Variants in MACF1 observed in about 807,000 individuals in gnomAD.
MACF1 encodes microtubule-actin cross-linking factor 1.
MACF1 carries 193 observed loss-of-function variants against 854.8 expected under a neutral mutation model. The ratio of observed to expected loss-of-function variants is 0.23; its 90% CI spans 0.20 to 0.25. MACF1 has a LOEUF of 0.25. MACF1 is among the 10% of genes least tolerant of loss of function. MACF1 has a pLI of 1.00. For missense variants in MACF1, 7,722 were observed against 8,929.1 expected, an observed-to-expected ratio of 0.86 and a Z score of 5.45; for synonymous variants, 3,185 against 3,226.7, an observed-to-expected ratio of 0.99 and a Z score of 0.44.
At chr1:39,459,946 AGGGG>A in intron 91 of MACF1, 1 of 706,408 alleles carries the variant, frequency 1.4e-6, no homozygotes, top group Non-Finnish European at 2.2e-6. Context: ...TGAAAGACCA[AGGGG>A]AAACTGCTGC....
intron 2 of MACF1, among the ~76,000 whole-genome samples, chr1:39,099,892 C>G (rs1642024409): frequency 6.6e-6 from 1 of 152,076 alleles, no homozygotes; most frequent in Non-Finnish European, 1.5e-5. Context: ...AGTTCAAGAC[C>G]AACATAGTGA....
upstream of MACF1, among the ~76,000 whole-genome samples, chr1:39,201,955 C>CTTTTT (rs748333630): frequency 2.1e-4 from 11 of 52,360 alleles, no homozygotes; most frequent in East Asian, 7.4e-4. Flanking sequence ...TGCTCATATT[C>CTTTTT]TTTTTTTTTT....
rs141918077 is a variant in MACF1, at chr1:39,452,286, G to T, written c.20549G>T (p.Arg6850Leu). ...VKGQLQELST[R>L]WDTVCKLSVS... ...GGACAGCTCCAGGAACTGAGCACTC[G>T]CTGGGACACTGTCTGTAAACTCTCT... Residue 6850 changes from arginine to leucine, a missense_variant, in exon 86 of 101, where the codon CGC (arginine) becomes CTC (leucine). Around this residue, in one of 15 missense-constraint regions of MACF1, gnomAD observed 729 missense variants for 900.5 expected, o/e 0.81. Transcript: ENST00000564288. 30 of 1,614,060 alleles carry T rather than the reference G, an allele frequency of 1.9e-5. No individual in the cohort carries two copies. Among genetic ancestry groups the T allele is most frequent in the Non-Finnish European group, 2.5e-5 (29 of 1,180,032 alleles).
rs1355794552 is a variant in MACF1 at position 39,287,344 on chromosome 1, C to T, written c.1567C>T (p.Arg523Trp). 6 of 1,614,076 alleles carry T rather than the reference C, an allele frequency of 3.7e-6. 1 individual carries two copies. The highest frequency in any genetic ancestry group is 4.5e-5 in the East Asian group (2 of 44,884). The change falls in exon 15 of 101, where the codon CGG becomes TGG. Residue 523 changes from arginine (R) to tryptophan (W), a missense_variant. Coordinates refer to ENST00000564288, the MANE Select transcript of MACF1 (RefSeq NM_001394062.1). ...GCGTCTAGAGTGTACAAACCTGTAC[C>T]GGAAGGGTCATTTCACTTCACTTGA... ...TLRLECTNLY[R>W]KGHFTSLELV...
chr1:39,167,300 G>T (rs1263381274), intron 2 of MACF1, among the ~76,000 whole-genome samples: 1 of 151,940 alleles, frequency 6.6e-6, no homozygotes, highest in Non-Finnish European at 1.5e-5. Context: ...TTTGGGCTGG[G>T]TGTGGTGGCT....
chr1:39,329,142 A>C (rs1646670691), intron 36 of MACF1, among the ~76,000 whole-genome samples: 1 of 152,204 alleles, frequency 6.6e-6, no homozygotes, highest in Non-Finnish European at 1.5e-5. Context: ...TATATGTTTA[A>C]ATTATATGAA....
chr1:39,425,290 A>C (rs1179996423), intron 61 of MACF1, among the ~76,000 whole-genome samples: 1 of 152,018 alleles, frequency 6.6e-6, no homozygotes, highest in African/African-American at 2.4e-5. Flanking sequence ...ACGAGCTCTC[A>C]CTAGGTGTAT....
intron 2 of MACF1, among the ~76,000 whole-genome samples, chr1:39,234,180 T>C (rs2148309797): frequency 6.6e-6 from 1 of 151,710 alleles, no homozygotes; most frequent in African/African-American, 2.4e-5. Flanking sequence ...AAGTCTCCCA[T>C]GTCTACTTCT....
chr1:39,203,282 C>T (rs1644414033), upstream of MACF1, among the ~76,000 whole-genome samples: 1 of 152,194 alleles, frequency 6.6e-6, no homozygotes, highest in Admixed American at 6.5e-5. Flanking sequence ...TGGCTTGCTG[C>T]AGCCTTGATT....
chr1:39,271,349 G>A (rs1024839390), intron 6 of MACF1, among the ~76,000 whole-genome samples: 2 of 152,076 alleles, frequency 1.3e-5, no homozygotes, highest in African/African-American at 2.4e-5. Flanking sequence ...GGTGGGATGT[G>A]CCACACACTT....
chr1:39,099,216 C>G (rs1642006771), intron 2 of MACF1, among the ~76,000 whole-genome samples: 2 of 152,178 alleles, frequency 1.3e-5, no homozygotes, highest in African/African-American at 2.4e-5. Context: ...AATGCAATGG[C>G]ACGATCTAGG....
intron 6 of MACF1, among the ~76,000 whole-genome samples, chr1:39,266,655 T>G (rs1048733619): frequency 6.9e-6 from 1 of 144,410 alleles, no homozygotes; most frequent in African/African-American, 2.6e-5. Flanking sequence ...GCTATGCTAG[T>G]GTAAGTCTTT....
intron 2 of MACF1, among the ~76,000 whole-genome samples, chr1:39,111,628 G>A (rs930385387): frequency 2.2e-4 from 34 of 152,058 alleles, no homozygotes; most frequent in South Asian, 6.2e-4. Context: ...TGATCTGCCC[G>A]CCTCGGCCTC....
In MACF1 at chr1:39,385,785, G is replaced by C. The variant is rs752078771; in HGVS notation, c.14200G>C (p.Glu4734Gln). The change falls in exon 57 of 101, where the codon GAG (glutamate) becomes CAG (glutamine). Residue 4734 changes from glutamate to glutamine, a missense_variant. Physicochemically the swap from Glu to Gln is conservative, Grantham distance 29. Coordinates refer to ENST00000564288, the MANE Select transcript of MACF1 (RefSeq NM_001394062.1). Reference sequence around the variant, plus strand: ...GACCAGTGAAATTCGATCTGACTTGGAGCAGTTAGACCACGAGGTTAAGGA... The same window carrying C: ...GACCAGTGAAATTCGATCTGACTTGCAGCAGTTAGACCACGAGGTTAAGGA... Reference protein sequence around the residue: ...EETSEIRSDLEQLDHEVKEAQ... With the variant: ...EETSEIRSDLQQLDHEVKEAQ... 4.3e-6 allele frequency: 7 copies of C among 1,614,126 alleles called. No homozygotes were observed. The highest frequency in any genetic ancestry group is 5.1e-6 in the Non-Finnish European group (6 of 1,180,028).
intron 2 of MACF1, among the ~76,000 whole-genome samples, chr1:39,143,978 T>C (rs888595766): frequency 6.6e-6 from 1 of 151,714 alleles, no homozygotes; most frequent in African/African-American, 2.4e-5. Context: ...TTAGTAGAGA[T>C]GGGCTTTCAC....
chr1:39,106,753 T>G (rs1413273675), intron 2 of MACF1, among the ~76,000 whole-genome samples: 2 of 151,554 alleles, frequency 1.3e-5, no homozygotes, highest in Non-Finnish European at 2.9e-5. Flanking sequence ...ACCTATCCAG[T>G]GAAGGGAAAC....
At chr1:39,392,462 A>G (rs989550324) in intron 58 of MACF1, among the ~76,000 whole-genome samples, 11 of 152,232 alleles carry the variant, frequency 7.2e-5, no homozygotes. Flanking sequence ...TAATAAGGTA[A>G]AAACAAAGAT....
chr1:39,126,722 G>A (rs1479462688), intron 2 of MACF1, among the ~76,000 whole-genome samples: 1 of 151,974 alleles, frequency 6.6e-6, no homozygotes, highest in Non-Finnish European at 1.5e-5. Context: ...GGGAGGCAGA[G>A]ATTGCGGTGA....
At chr1:39,254,636 A>G in intron 5 of MACF1, 1 of 408,452 alleles carries the variant, frequency 2.4e-6, no homozygotes, top group Non-Finnish European at 4.4e-6. Context: ...TTGTGGATGC[A>G]CCTTAGGTGG....
Sources: allele counts gnomAD v4.1 joint callset (sites outside exome capture counted in the v4.1 genomes callset), GRCh38; gene constraint gnomAD v4.1.1; regional missense constraint gnomAD v4.1.1; transcripts MANE v1.5; gene names NCBI Gene and HGNC (gene_info 2026-07-23, HGNC 2026-07-21).